Variants in CLMP observed in about 807,000 individuals in gnomAD.
CLMP encodes CXADR-like membrane protein.
Under a neutral mutation model 45.2 loss-of-function variants are expected in CLMP, and 27 were observed. The ratio of observed to expected loss-of-function variants is 0.60; its 90% CI spans 0.44 to 0.82. The LOEUF (loss-of-function observed/expected upper bound fraction) is 0.82. Among genes scored for constraint, CLMP ranks in the 40% least tolerant of loss-of-function variants. The pLI is 0.00. For missense variants in CLMP, 403 were observed against 448.4 expected (o/e 0.90, Z 0.91); for synonymous variants, 167 against 171.4 (o/e 0.97, Z 0.20).
At chr11:123,154,166 G>A (rs541747736) in intron 1 of CLMP, among the ~76,000 whole-genome samples, 3 of 152,102 alleles carry the variant, frequency 2.0e-5, no homozygotes, top group Non-Finnish European at 2.9e-5. Flanking sequence ...ATGGCAAGAC[G>A]GAGTCAATGC....
intron 1 of CLMP, among the ~76,000 whole-genome samples, chr11:123,174,705 T>G (rs896996855): frequency 1.3e-5 from 2 of 152,160 alleles, no homozygotes; most frequent in Non-Finnish European, 2.9e-5. Context: ...GTCCTTTATA[T>G]TCTCTCTTTT....
At position 123,074,911 on chromosome 11, in the gene CLMP, A is replaced by G. The variant is rs1865718581; in HGVS notation, c.680-68T>C. 4.5e-6 allele frequency: 7 copies of G among 1,541,892 alleles called. No homozygotes were observed. In the Admixed American group the frequency reaches 5.7e-5, roughly 13 times the overall value. ...GCTAGGAAATATGTTATTAACTCAA[A>G]AAACATAAGCTCTGGACAGAATGAG... is the stretch of plus-strand genomic sequence containing the variant. On this transcript the variant is annotated intron_variant, in intron 5 of 6. Transcript: ENST00000448775.
chr11:123,093,461 C>T (rs1865956033), intron 2 of CLMP, among the ~76,000 whole-genome samples: 1 of 152,072 alleles, frequency 6.6e-6, no homozygotes, highest in Non-Finnish European at 1.5e-5. Flanking sequence ...ATTCTCCTGC[C>T]TCAGTCTCCC....
At chr11:123,160,002 G>A (rs546690073) in intron 1 of CLMP, among the ~76,000 whole-genome samples, 1 of 152,090 alleles carries the variant, frequency 6.6e-6, no homozygotes, top group Non-Finnish European at 1.5e-5. Context: ...ATCCCGGCTG[G>A]GTGCGGTGGC....
At chr11:123,181,388 C>T (rs1365544764) in intron 1 of CLMP, among the ~76,000 whole-genome samples, 1 of 152,208 alleles carries the variant, frequency 6.6e-6, no homozygotes, top group Non-Finnish European at 1.5e-5. Flanking sequence ...CCTGGCTCAC[C>T]CCAATGCAAT....
intron 1 of CLMP, among the ~76,000 whole-genome samples, chr11:123,116,342 G>A (rs896560159): frequency 2.0e-5 from 3 of 151,870 alleles, no homozygotes; most frequent in Non-Finnish European, 2.9e-5. Flanking sequence ...CGAGACAGGC[G>A]GATCACCTGA....
rs570988862 is a variant in CLMP, at chr11:123,070,729, C to T, written c.*2745G>A. The T allele has an allele frequency of 1.3e-5, 2 of 152,296 alleles. No homozygotes were observed. Among genetic ancestry groups the T allele is most frequent in the East Asian group, 3.9e-4 (2 of 5,184 alleles). 9.4% of individuals were successfully genotyped at this position (152,296 alleles called of 1,614,324 possible). On this transcript the variant is annotated 3_prime_UTR_variant, in exon 7 of 7. Transcript: ENST00000448775. ...GAAGTGATATGTTGCCTGGATACCA[C>T]ACTACCAGAGGAATAAAAATGTAGT...
chr11:123,189,394 T>C (rs1451770249), intron 1 of CLMP, among the ~76,000 whole-genome samples: 1 of 152,236 alleles, frequency 6.6e-6, no homozygotes, highest in Non-Finnish European at 1.5e-5. Flanking sequence ...AGAAGCTCAC[T>C]TTACTTCTCT....
intron 1 of CLMP, among the ~76,000 whole-genome samples, chr11:123,164,309 T>C (rs1465835534): frequency 6.6e-6 from 1 of 152,184 alleles, no homozygotes; most frequent in Admixed American, 6.6e-5. Context: ...TTTTTATTTT[T>C]ATTTTATTTC....
At chr11:123,180,129 C>T (rs1861750073) in intron 1 of CLMP, among the ~76,000 whole-genome samples, 1 of 152,232 alleles carries the variant, frequency 6.6e-6, no homozygotes, top group Non-Finnish European at 1.5e-5. Flanking sequence ...CCAGCTGTGT[C>T]ACCTTCAGTG....
intron 1 of CLMP, among the ~76,000 whole-genome samples, chr11:123,162,153 C>G (rs1164796626): frequency 6.6e-6 from 1 of 152,102 alleles, no homozygotes; most frequent in African/African-American, 2.4e-5. Flanking sequence ...CTGGAGGACA[C>G]AGAGCTCATT....
chr11:123,184,858 C>G (rs1233839910), intron 1 of CLMP, among the ~76,000 whole-genome samples: 1 of 152,206 alleles, frequency 6.6e-6, no homozygotes, highest in African/African-American at 2.4e-5. Context: ...ATGTGCCAGC[C>G]GCTCACCGGG....
chr11:123,093,921 G>A (rs1007531245), intron 2 of CLMP, among the ~76,000 whole-genome samples: 2 of 152,108 alleles, frequency 1.3e-5, no homozygotes, highest in Admixed American at 6.6e-5. Flanking sequence ...CAGAGCAGTC[G>A]TAAAACTGCT....
intron 5 of CLMP, among the ~76,000 whole-genome samples, chr11:123,077,829 C>T (rs778108130): frequency 2.6e-5 from 4 of 152,106 alleles, no homozygotes; most frequent in Non-Finnish European, 5.9e-5. Context: ...TAATATATCT[C>T]AGTGCTGTGG....
intron 1 of CLMP, among the ~76,000 whole-genome samples, chr11:123,149,073 G>A (rs111278172): frequency 1.1e-3 from 173 of 152,238 alleles, no homozygotes; most frequent in African/African-American, 3.8e-3. Context: ...GTGAGGGGTG[G>A]GCAAAATATC....
intron 1 of CLMP, among the ~76,000 whole-genome samples, chr11:123,120,541 T>C (rs1355061248): frequency 1.3e-5 from 2 of 152,198 alleles, no homozygotes; most frequent in Non-Finnish European, 2.9e-5. Context: ...TTAGTTTTCT[T>C]GTCTATAAAA....
intron 1 of CLMP, among the ~76,000 whole-genome samples, chr11:123,139,128 TTGAG>T (rs1861119365): frequency 6.6e-6 from 1 of 152,126 alleles, no homozygotes; most frequent in African/African-American, 2.4e-5. Context: ...AGCAGCAGCA[TTGAG>T]TATTTGTGAC....
chr11:123,193,388 G>C (rs1427931365), intron 1 of CLMP, among the ~76,000 whole-genome samples: 1 of 152,216 alleles, frequency 6.6e-6, no homozygotes, highest in African/African-American at 2.4e-5. Context: ...TTTAATAAGA[G>C]AGCCCTGAAG....
intron 1 of CLMP, among the ~76,000 whole-genome samples, chr11:123,117,523 T>C (rs1591464915): frequency 6.6e-6 from 1 of 151,986 alleles, no homozygotes; most frequent in South Asian, 2.1e-4. Context: ...GCCTCCTGAG[T>C]TCAAGCAATT....
Sources: gnomAD v4.1 joint callset for allele counts (sites outside exome capture counted in the v4.1 genomes callset) on GRCh38, gnomAD v4.1.1 for gene constraint, MANE v1.5 for transcripts, NCBI Gene and HGNC (gene_info 2026-07-23, HGNC 2026-07-21) for gene names.